Variants in LAMA4 observed in about 807,000 individuals in gnomAD.
The protein encoded by LAMA4 is laminin subunit alpha 4.
In LAMA4, 127 loss-of-function variants were observed where a neutral mutation model predicts 207.1. That is an observed-to-expected ratio of 0.61 (90% CI 0.53 to 0.71). The LOEUF (loss-of-function observed/expected upper bound fraction) is 0.71, where lower values mean the gene tolerates loss of function less well. Ranked by LOEUF, LAMA4 falls within the 30% of genes least tolerant of loss-of-function variation. LAMA4 has a pLI of 0.00. For missense variants in LAMA4, 2,093 were observed against 2,246.5 expected (o/e 0.93, Z 1.38); for synonymous variants, 761 against 816.0 (o/e 0.93, Z 1.15).
chr6:112,116,850 A>C (rs1778047866), intron 35 of LAMA4, among the ~76,000 whole-genome samples: 1 of 152,196 alleles, frequency 6.6e-6, no homozygotes, highest in African/African-American at 2.4e-5. Flanking sequence ...AAATTCCATG[A>C]AAGGCTGAGA....
chr6:112,166,969 A>C (rs1362061745), intron 12 of LAMA4, among the ~76,000 whole-genome samples: 2 of 152,196 alleles, frequency 1.3e-5, no homozygotes, highest in African/African-American at 4.8e-5. Context: ...GTATATAGTA[A>C]TCCCTAAACA....
chr6:112,214,931 C>G (rs1784545316), intron 3 of LAMA4, among the ~76,000 whole-genome samples: 1 of 152,234 alleles, frequency 6.6e-6, no homozygotes, highest in Non-Finnish European at 1.5e-5. Context: ...GACTTCTTCC[C>G]TCTTTAATTT....
intron 10 of LAMA4, among the ~76,000 whole-genome samples, chr6:112,176,072 A>G (rs1782006559): frequency 1.3e-5 from 2 of 152,212 alleles, no homozygotes; most frequent in South Asian, 4.1e-4. Context: ...TTGTTATAAT[A>G]TGATGTGAGC....
chr6:112,173,118 G>A (rs1554342515), intron 11 of LAMA4, among the ~76,000 whole-genome samples: 1 of 152,126 alleles, frequency 6.6e-6, no homozygotes, highest in African/African-American at 2.4e-5. Flanking sequence ...TAATTTTACT[G>A]TGTAAAGGGG....
chr6:112,205,854 T>A (rs569632452), intron 4 of LAMA4, among the ~76,000 whole-genome samples: 1 of 152,172 alleles, frequency 6.6e-6, no homozygotes, highest in Admixed American at 6.5e-5. Context: ...CAGTTACCAA[T>A]GGCCAATGAT....
chr6:112,133,326 G>C, intron 27 of LAMA4, 23 bp downstream of exon 27: 1 of 1,612,880 alleles, frequency 6.2e-7, no homozygotes. Flanking sequence ...CTATTAAAAA[G>C]CTTTTGACTG....
intron 5 of LAMA4, among the ~76,000 whole-genome samples, chr6:112,198,499 T>C (rs1333000508): frequency 6.6e-6 from 1 of 152,128 alleles, no homozygotes; most frequent in Non-Finnish European, 1.5e-5. Flanking sequence ...AACCCTCCTC[T>C]TAACCCCAGG....
At chr6:112,159,762 G>C (rs1780942567) in intron 13 of LAMA4, among the ~76,000 whole-genome samples, 1 of 152,188 alleles carries the variant, frequency 6.6e-6, no homozygotes, top group East Asian at 1.9e-4. Context: ...CACAGTGAGT[G>C]AAACTCCAGA....
Position 112,254,016 on chromosome 6 carries a change from T to G in LAMA4, c.135A>C (p.Gln45His). 1 of 1,589,956 alleles carries G rather than the reference T, an allele frequency of 6.3e-7. No homozygotes were observed. Among genetic ancestry groups the G allele is most frequent in the Non-Finnish European group, 8.6e-7 (1 of 1,167,664 alleles). The stretch of plus-strand genomic sequence containing the variant: ...GGGGTTCGCTCGTCTCAGGCGGGTC[T>G]TGCCTGCCAACCGCTGAGCTCCCTT... Reference protein sequence around the residue: ...DIEGSSAVGRQDPPETSEPRV... With the variant: ...DIEGSSAVGRHDPPETSEPRV... The change falls in exon 2 of 39, where the codon CAA becomes CAC. Residue 45 changes from glutamine to histidine, a missense_variant. Gln to His is a conservative substitution (Grantham distance 24, BLOSUM62 0). Transcript: ENST00000230538.
intron 18 of LAMA4, 150 bp from the exon 19 acceptor site, chr6:112,145,083 C>A (rs1779939310): frequency 3.7e-6 from 3 of 818,518 alleles, no homozygotes; most frequent in African/African-American, 3.4e-5. Context: ...CTGTAAGGTA[C>A]ACAGATGTGC....
chr6:112,204,144 G>A (rs782067820), intron 4 of LAMA4, among the ~76,000 whole-genome samples: 17 of 152,170 alleles, frequency 1.1e-4, no homozygotes, highest in Non-Finnish European at 1.9e-4. Context: ...TCAAAACACT[G>A]CTGTATTTTG....
At chr6:112,142,014 TG>T in intron 20 of LAMA4, 104 bp downstream of exon 20, 1 of 1,063,558 alleles carries the variant, frequency 9.4e-7, no homozygotes, top group Non-Finnish European at 1.5e-6. Flanking sequence ...GTTACCAGAA[TG>T]GGCATTGTTT....
intron 32 of LAMA4, among the ~76,000 whole-genome samples, chr6:112,121,077 C>CTCA (rs1562630189): frequency 7.4e-6 from 1 of 134,406 alleles, no homozygotes; most frequent in Non-Finnish European, 1.6e-5. Flanking sequence ...GACCTTGTCT[C>CTCA]AAAAAAAAAA....
At chr6:112,135,972 T>C in intron 25 of LAMA4, 151 bp downstream of exon 25, 1 of 674,388 alleles carries the variant, frequency 1.5e-6, no homozygotes, top group Non-Finnish European at 2.6e-6. Flanking sequence ...TTCCTAGGGT[T>C]GAGAAGATGA....
At chr6:112,175,931 TA>T (rs1781999098) in intron 10 of LAMA4, among the ~76,000 whole-genome samples, 1 of 152,220 alleles carries the variant, frequency 6.6e-6, no homozygotes, top group Admixed American at 6.5e-5. Flanking sequence ...GTGAGATTAT[TA>T]ATGTGTGGAG....
chr6:112,168,396 A>G (rs1188615010), intron 12 of LAMA4, among the ~76,000 whole-genome samples: 6 of 141,576 alleles, frequency 4.2e-5, no homozygotes, highest in African/African-American at 1.5e-4. Flanking sequence ...CTCAGGCTAG[A>G]GTGCAATGGC....
chr6:112,170,651 G>C (rs1279906343), intron 12 of LAMA4, among the ~76,000 whole-genome samples: 1 of 152,204 alleles, frequency 6.6e-6, no homozygotes, highest in Non-Finnish European at 1.5e-5. Context: ...AGTTTTTACT[G>C]AGTTGTTACT....
chr6:112,148,072 G>T, intron 18 of LAMA4, 85 bp downstream of exon 18: 2 of 1,378,190 alleles, frequency 1.5e-6, no homozygotes, highest in Non-Finnish European at 2.1e-6. Context: ...CCCAAATGAA[G>T]AAAACTGTTT....
chr6:112,113,951 C>A (rs1368081325), intron 38 of LAMA4, 125 bp downstream of exon 38: 1 of 1,095,346 alleles, frequency 9.1e-7, no homozygotes, highest in African/African-American at 1.5e-5. Context: ...ATTTAAACAA[C>A]ACTGTATATA....
Sources: allele counts gnomAD v4.1 joint callset (sites outside exome capture counted in the v4.1 genomes callset), GRCh38; gene constraint gnomAD v4.1.1; transcripts MANE v1.5; gene names NCBI Gene and HGNC (gene_info 2026-07-23, HGNC 2026-07-21).